LYPLA2: variants seen among roughly 807,000 people sequenced by gnomAD.
LYPLA2 encodes acyl-protein thioesterase 2.
LYPLA2 carries 7 observed loss-of-function variants against 30.3 expected under a neutral mutation model. The ratio of observed to expected loss-of-function variants is 0.23; its 90% CI spans 0.13 to 0.43. The LOEUF is 0.43. Among genes scored for constraint, LYPLA2 ranks in the 20% least tolerant of loss-of-function variants. The pLI is 1.00. For synonymous variants in LYPLA2, 112 were observed against 118.2 expected, an observed-to-expected ratio of 0.95 and a Z score of 0.34; for missense variants, 206 against 307.9, an observed-to-expected ratio of 0.67 and a Z score of 2.48.
Position 23,794,852 on chromosome 1 carries a change from C to A in LYPLA2, c.*120C>A. The A allele has an allele frequency of 1.7e-6, 2 of 1,210,114 alleles. No homozygotes were observed. Among genetic ancestry groups the A allele is most frequent in the Non-Finnish European group, 2.4e-6 (2 of 835,958 alleles). 75.0% of individuals were successfully genotyped at this position (1,210,114 alleles called of 1,614,324 possible). On this transcript the variant is annotated 3_prime_UTR_variant, in exon 10 of 10. Transcript: ENST00000374514. The surrounding 1 kb of genome is among the most constrained non-coding windows in gnomAD (Gnocchi z 5.9). ...CCCACCCTTCCTGACCTGTCCTTTT[C>A]CCACAGGCCTCTGGGGGCAGGTGGC...
rs746815475 is a variant in LYPLA2, at chr1:23,792,999, C to G, written c.79-9C>G. The stretch of plus-strand genomic sequence containing the variant: ...CCTTCCTGTCTCCCCATTTCCCATC[C>G]TTTTCCAGGTTATTTTTTTACATGG... On this transcript the variant is annotated splice_polypyrimidine_tract_variant and intron_variant, in intron 2 of 9. Transcript: ENST00000374514. 2 of 1,611,774 alleles carry G rather than the reference C, an allele frequency of 1.2e-6. No individual in the cohort carries two copies. Among genetic ancestry groups the G allele is most frequent in the South Asian group, 1.1e-5 (1 of 90,806 alleles).
rs1257641719 is a variant in LYPLA2, at chr1:23,793,531, T to C, written c.177-174T>C. The C allele has an allele frequency of 8.4e-6, 6 of 715,902 alleles. No individual in the cohort carries two copies. In the East Asian group the frequency reaches 1.5e-4, roughly 18 times the overall value. 44.3% of individuals were successfully genotyped at this position (715,902 alleles called of 1,614,324 possible). A position where few individuals can be genotyped will look rare whatever the true frequency, so the allele number is the denominator to read the frequency against. On this transcript the variant is annotated intron_variant, in intron 4 of 9. Coordinates refer to ENST00000374514, the MANE Select transcript of LYPLA2 (RefSeq NM_007260.3). This position sits in a 1 kb window ranked among gnomAD's most constrained non-coding sequence, Gnocchi z 6.0. The stretch of plus-strand genomic sequence containing the variant: ...GCTCTGCTTCTCCATTACTGGCGCT[T>C]TGCCCCAACCACAGCCTCCAGCCCC...
Position 23,794,230 on chromosome 1 carries a change from G to A in LYPLA2, c.376G>A (p.Ala126Thr), listed in dbSNP as rs1348190931. 1 of 1,610,560 alleles carries A rather than the reference G, an allele frequency of 6.2e-7. No homozygotes were observed. The highest frequency in any genetic ancestry group is 8.5e-7 in the Non-Finnish European group (1 of 1,179,320). Residue 126 changes from alanine (A) to threonine (T), a missense_variant, in exon 8 of 10, where the codon GCC (alanine) becomes ACC (threonine). Transcript: ENST00000374514. This position sits in a 1 kb window ranked among gnomAD's most constrained non-coding sequence, Gnocchi z 5.9. ...IVLGGFSQGG[A>T]LSLYTALTCP... ...CTCTCTCTCCTCCCTCCAGGGCGGGGCCCTGTCCCTCTACACGGCCCTCAC... is the reference window on the plus strand; with the variant it reads ...CTCTCTCTCCTCCCTCCAGGGCGGGACCCTGTCCCTCTACACGGCCCTCAC...
rs747224559 is a variant in LYPLA2, at chr1:23,793,810, CAG to C, written c.225-49_225-48del. On this transcript the variant is annotated intron_variant, in intron 5 of 9. Coordinates refer to ENST00000374514, the MANE Select transcript of LYPLA2 (RefSeq NM_007260.3). This position sits in a 1 kb window ranked among gnomAD's most constrained non-coding sequence, Gnocchi z 6.0. ...GAGGACACTTGGGCTGAGGGAGCCA[CAG>C]GGGGCTGGCTGGGGTTTTCTATAGC... The C allele has an allele frequency of 2.5e-6, 4 of 1,611,434 alleles. No homozygotes were observed. The highest frequency in any genetic ancestry group is 3.4e-6 in the Non-Finnish European group (4 of 1,177,682).
chr1:23,793,178 C>T lies in LYPLA2; in HGVS notation c.138C>T (p.Thr46=), dbSNP rs1226402745. 5 of 1,613,906 alleles carry T rather than the reference C, an allele frequency of 3.1e-6. No individual in the cohort carries two copies. Among genetic ancestry groups the T allele is most frequent in the Non-Finnish European group, 3.4e-6 (4 of 1,179,932 alleles). Residue 46 remains threonine, a synonymous_variant, in exon 4 of 10, where the codon ACC becomes ACT. Transcript: ENST00000374514. The surrounding 1 kb of genome is among the most constrained non-coding windows in gnomAD (Gnocchi z 6.0). ...TGHSWADALS[T]IRLPHVKYIC... ...ACAGCTGGGCTGACGCCCTCTCCACCATCCGGCTCCCTCACGTCAAGTACA... is the reference window on the plus strand; with the variant it reads ...ACAGCTGGGCTGACGCCCTCTCCACTATCCGGCTCCCTCACGTCAAGTACA...
rs1638785164 is a variant in LYPLA2 at position 23,791,241 on chromosome 1, G to A, written c.-36G>A. The A allele has an allele frequency of 6.6e-6, 1 of 152,628 alleles. No individual in the cohort carries two copies. The highest frequency in any genetic ancestry group is 6.5e-5 in the Admixed American group (1 of 15,272). The allele number at this position is 152,628 out of a possible 1,614,324, so 9.5% of individuals were successfully genotyped here. On this transcript the variant is annotated 5_prime_UTR_variant, in exon 1 of 10. Coordinates refer to ENST00000374514, the MANE Select transcript of LYPLA2 (RefSeq NM_007260.3). ...CGCCCAAGCGGCCTCGGAAGTCCCA[G>A]GGAGTGGAGGTACCCAGCCGGCGGC...
chr1:23,792,849 G>A lies in LYPLA2; in HGVS notation c.78+89G>A, dbSNP rs1638825814. 3 of 1,340,490 alleles carry A rather than the reference G, an allele frequency of 2.2e-6. No homozygotes were observed. In the East Asian group the frequency reaches 6.9e-5, roughly 31 times the overall value. The allele number at this position is 1,340,490 out of a possible 1,614,324, so 83.0% of individuals were successfully genotyped here. On this transcript the variant is annotated intron_variant, in intron 2 of 9. Transcript: ENST00000374514. ...GGTGTGGGAAAATGGAGGTGGCAGT[G>A]ATGAGCAGGGAGTATCCTGAGGCCA...
At chr1:23,792,900 G>A in intron 2 of LYPLA2, 108 bp from the exon 3 acceptor site, 1 of 1,386,988 alleles carries the variant, frequency 7.2e-7, no homozygotes, top group Non-Finnish European at 1.0e-6. Context: ...TAACCTGTTT[G>A]GCTGCTACCT....
chr1:23,795,460 C>G lies in LYPLA2; in HGVS notation c.*728C>G, dbSNP rs1201379659. 1 of 220,620 alleles carries G rather than the reference C, an allele frequency of 4.5e-6. No homozygotes were observed. Among genetic ancestry groups the G allele is most frequent in the Non-Finnish European group, 9.2e-6 (1 of 109,088 alleles). 13.7% of individuals were successfully genotyped at this position (220,620 alleles called of 1,614,324 possible). Reference sequence around the variant, plus strand: ...CAGTGGGGGAGGAGTTGTGTCTCGTCTTCTGTCTCCATGTGGTTTTTGGGT... The same window carrying G: ...CAGTGGGGGAGGAGTTGTGTCTCGTGTTCTGTCTCCATGTGGTTTTTGGGT... On this transcript the variant is annotated 3_prime_UTR_variant, in exon 10 of 10. Transcript: ENST00000374514.
intron 1 of LYPLA2, among the ~76,000 whole-genome samples, chr1:23,791,512 C>T (rs760923569): frequency 6.6e-6 from 1 of 152,030 alleles, no homozygotes; most frequent in Non-Finnish European, 1.5e-5. Context: ...AGGTACAAAG[C>T]TTTATTGTGG....
chr1:23,793,321 G>A lies in LYPLA2; in HGVS notation c.176+105G>A. On this transcript the variant is annotated intron_variant, in intron 4 of 9. Transcript: ENST00000374514. This position sits in a 1 kb window ranked among gnomAD's most constrained non-coding sequence, Gnocchi z 6.0. Reference sequence around the variant, plus strand: ...CCTGTCAGTTGCATCCTGGGGCTTGGGCTCAGGGCAGTCAGAAGTGGCATT... The same window carrying A: ...CCTGTCAGTTGCATCCTGGGGCTTGAGCTCAGGGCAGTCAGAAGTGGCATT... The A allele has an allele frequency of 8.1e-7, 1 of 1,228,530 alleles. No homozygotes were observed. Among genetic ancestry groups the A allele is most frequent in the Non-Finnish European group, 1.2e-6 (1 of 849,130 alleles). The allele number at this position is 1,228,530 out of a possible 1,614,324, so 76.1% of individuals were successfully genotyped here.
intron 1 of LYPLA2, among the ~76,000 whole-genome samples, chr1:23,791,635 C>T (rs1001898661): frequency 6.6e-6 from 1 of 151,606 alleles, no homozygotes; most frequent in East Asian, 1.9e-4. Flanking sequence ...GGTGGAAGTT[C>T]TCAAGGTGTA....
chr1:23,794,077 G>A lies in LYPLA2; in HGVS notation c.310G>A (p.Glu104Lys). Residue 104 changes from glutamate to lysine, a missense_variant, in exon 7 of 10, where the codon GAG becomes AAG. By Grantham distance (56) the Glu-to-Lys change is moderately conservative (BLOSUM62 1). Transcript: ENST00000374514. This position sits in a 1 kb window ranked among gnomAD's most constrained non-coding sequence, Gnocchi z 5.9. The part of the protein sequence containing the change: ...KAAENIKALI[E>K]HEMKNGIPAN... ...CCCTCCCCCAGTCAAGGCCTTGATT[G>A]AGCATGAAATGAAGAACGGGATCCC... is the stretch of plus-strand genomic sequence containing the variant. The A allele has an allele frequency of 6.2e-7, 1 of 1,609,892 alleles. No individual in the cohort carries two copies. Among genetic ancestry groups the A allele is most frequent in the Non-Finnish European group, 8.5e-7 (1 of 1,178,110 alleles).
Position 23,793,795 on chromosome 1 carries a change from G to A in LYPLA2, c.224+43G>A. 2 of 1,612,936 alleles carry A rather than the reference G, an allele frequency of 1.2e-6. No homozygotes were observed. The highest frequency in any genetic ancestry group is 1.7e-6 in the Non-Finnish European group (2 of 1,178,898). On this transcript the variant is annotated intron_variant, in intron 5 of 9. Coordinates refer to ENST00000374514, the MANE Select transcript of LYPLA2 (RefSeq NM_007260.3). The surrounding 1 kb of genome is among the most constrained non-coding windows in gnomAD (Gnocchi z 6.0). ...GGTGGGCAGGGGGACGAGGACACTT[G>A]GGCTGAGGGAGCCACAGGGGGCTGG... is the stretch of plus-strand genomic sequence containing the variant.
Position 23,793,603 on chromosome 1 carries a change from T to G in LYPLA2, c.177-102T>G. ...CACCTTAAACACAGGCCCTGCCTGC[T>G]GGGAGGGGCCACCAGGGGCGGCGCG... On this transcript the variant is annotated intron_variant, in intron 4 of 9. Coordinates refer to ENST00000374514, the MANE Select transcript of LYPLA2 (RefSeq NM_007260.3). This position sits in a 1 kb window ranked among gnomAD's most constrained non-coding sequence, Gnocchi z 6.0. 2.5e-6 allele frequency: 3 copies of G among 1,212,304 alleles called. No individual in the cohort carries two copies. The South Asian group carries it at 3.6e-5, about 15-fold the overall frequency. 75.1% of individuals were successfully genotyped at this position (1,212,304 alleles called of 1,614,324 possible).
At position 23,793,589 on chromosome 1, in the gene LYPLA2, C is replaced by G; in HGVS notation, c.177-116C>G. 9.3e-7 allele frequency: 1 copy of G among 1,076,788 alleles called. No individual in the cohort carries two copies. 66.7% of individuals were successfully genotyped at this position (1,076,788 alleles called of 1,614,324 possible). ...AGGTTGCCTGGCAACACCTTAAACA[C>G]AGGCCCTGCCTGCTGGGAGGGGCCA... On this transcript the variant is annotated intron_variant, in intron 4 of 9. Coordinates refer to ENST00000374514, the MANE Select transcript of LYPLA2 (RefSeq NM_007260.3). The surrounding 1 kb of genome is among the most constrained non-coding windows in gnomAD (Gnocchi z 6.0).
In LYPLA2 at chr1:23,794,646, C is replaced by T; in HGVS notation, c.646-36C>T. Reference sequence around the variant, plus strand: ...CCACTCCCACTTCTCTGCCTCCAGCCAGGTGCCTCTCGTGATCCCCTCTTA... The same window carrying T: ...CCACTCCCACTTCTCTGCCTCCAGCTAGGTGCCTCTCGTGATCCCCTCTTA... On this transcript the variant is annotated intron_variant, in intron 9 of 9. Transcript: ENST00000374514. This position sits in a 1 kb window ranked among gnomAD's most constrained non-coding sequence, Gnocchi z 5.9. 1 of 1,614,176 alleles carries T rather than the reference C, an allele frequency of 6.2e-7. No homozygotes were observed. Among genetic ancestry groups the T allele is most frequent in the Non-Finnish European group, 8.5e-7 (1 of 1,179,988 alleles).
In LYPLA2 at chr1:23,793,235, A is replaced by G. The variant is rs1410252195; in HGVS notation, c.176+19A>G. 2 of 1,611,402 alleles carry G rather than the reference A, an allele frequency of 1.2e-6. No homozygotes were observed. Among genetic ancestry groups the G allele is most frequent in the Non-Finnish European group, 1.7e-6 (2 of 1,178,620 alleles). On this transcript the variant is annotated intron_variant, in intron 4 of 9. Coordinates refer to ENST00000374514, the MANE Select transcript of LYPLA2 (RefSeq NM_007260.3). The surrounding 1 kb of genome is among the most constrained non-coding windows in gnomAD (Gnocchi z 6.0). Reference sequence around the variant, plus strand: ...CCCATGCGTGAGTGTCACCCCAGCAAGGGAGGGGCTGAGGCTGGGGATCAT... The same window carrying G: ...CCCATGCGTGAGTGTCACCCCAGCAGGGGAGGGGCTGAGGCTGGGGATCAT...
At position 23,794,889 on chromosome 1, in the gene LYPLA2, G is replaced by A. The variant is rs1015701736; in HGVS notation, c.*157G>A. ...TGGGGGCAGGTGGCAAGGCCTGGCC[G>A]GGCCTTCCTTCCTGGCCTTAGCCAC... On this transcript the variant is annotated 3_prime_UTR_variant, in exon 10 of 10. Coordinates refer to ENST00000374514, the MANE Select transcript of LYPLA2 (RefSeq NM_007260.3). The surrounding 1 kb of genome is among the most constrained non-coding windows in gnomAD (Gnocchi z 5.9). 5.8e-6 allele frequency: 5 copies of A among 865,074 alleles called. No individual in the cohort carries two copies. Among genetic ancestry groups the A allele is most frequent in the East Asian group, 2.6e-5 (1 of 37,864 alleles). 53.6% of individuals were successfully genotyped at this position (865,074 alleles called of 1,614,324 possible). A position where few individuals can be genotyped will look rare whatever the true frequency, so the allele number is the denominator to read the frequency against.
Sources: allele counts gnomAD v4.1 joint callset (sites outside exome capture counted in the v4.1 genomes callset), GRCh38; gene constraint gnomAD v4.1.1; non-coding constraint Gnocchi (gnomAD v3.1); transcripts MANE v1.5; gene names NCBI Gene and HGNC (gene_info 2026-07-23, HGNC 2026-07-21).